Variants in TASP1 observed in about 807,000 individuals in gnomAD.
The protein encoded by TASP1 is taspase 1, also known as threonine aspartase 1.
Under a neutral mutation model 56.6 loss-of-function variants are expected in TASP1, and 16 were observed. The observed-to-expected ratio is 0.28, with a 90% CI of 0.19 to 0.43. TASP1 has a LOEUF of 0.43. Among genes scored for constraint, TASP1 ranks in the 20% least tolerant of loss-of-function variants. The probability of loss-of-function intolerance (pLI) is 1.00; values close to 1 mark genes in which losing one functional copy is unlikely to be tolerated. For synonymous variants in TASP1, 179 were observed against 184.2 expected (o/e 0.97, Z 0.23); for missense variants, 393 against 511.6 (o/e 0.77, Z 2.24).
the TASP1 span, among the ~76,000 whole-genome samples, chr20:13,253,313 G>A: frequency 3.3e-5 from 5 of 151,524 alleles, no homozygotes; most frequent in Non-Finnish European, 5.9e-5. Context: ...CTTCCCTCAC[G>A]GTGTTATCAT....
At chr20:13,128,848 G>A in the TASP1 span, among the ~76,000 whole-genome samples, 1 of 150,804 alleles carries the variant, frequency 6.6e-6, no homozygotes, top group Non-Finnish European at 1.5e-5. Context: ...GCACCAACAG[G>A]CATGCACCAC....
At chr20:13,296,434 A>G in the TASP1 span, among the ~76,000 whole-genome samples, 1 of 152,214 alleles carries the variant, frequency 6.6e-6, no homozygotes, top group Admixed American at 6.5e-5. Flanking sequence ...TATTGCAGGG[A>G]GGCAAGGGAT....
At chr20:13,247,179 C>T in the TASP1 span, among the ~76,000 whole-genome samples, 4 of 151,724 alleles carry the variant, frequency 2.6e-5, no homozygotes, top group African/African-American at 9.7e-5. Flanking sequence ...TTCAGTGAGC[C>T]GAGATCGCAC....
At chr20:13,133,453 G>A in the TASP1 span, among the ~76,000 whole-genome samples, 7 of 152,128 alleles carry the variant, frequency 4.6e-5, no homozygotes, top group South Asian at 1.2e-3. Flanking sequence ...TCCATAACAG[G>A]TCGGGCATGG....
At chr20:13,203,535 C>A in the TASP1 span, among the ~76,000 whole-genome samples, 3 of 152,090 alleles carry the variant, frequency 2.0e-5, no homozygotes. Context: ...AAATTATGGT[C>A]TATTTTAATA....
the TASP1 span, among the ~76,000 whole-genome samples, chr20:13,230,128 C>T: frequency 6.6e-6 from 1 of 152,152 alleles, no homozygotes; most frequent in Non-Finnish European, 1.5e-5. Context: ...TTCATTTGGT[C>T]AAGAAGAATC....
intron 1 of TASP1, among the ~76,000 whole-genome samples, chr20:13,636,334 A>AT (rs1452039712): frequency 1.4e-5 from 1 of 71,512 alleles, no homozygotes; most frequent in Non-Finnish European, 3.0e-5. Flanking sequence ...TTTTTTTTGT[A>AT]TTTTTAGTAG....
the TASP1 span, among the ~76,000 whole-genome samples, chr20:13,283,767 C>T: frequency 6.6e-6 from 1 of 152,182 alleles, no homozygotes; most frequent in African/African-American, 2.4e-5. Flanking sequence ...AATGAAATTA[C>T]ATAGGTACTG....
chr20:13,583,566 A>C (rs373111568), intron 5 of TASP1, among the ~76,000 whole-genome samples: 5 of 152,320 alleles, frequency 3.3e-5, no homozygotes, highest in East Asian at 1.9e-4. Flanking sequence ...TACCCAGACT[A>C]ATACAATGTC....
the TASP1 span, among the ~76,000 whole-genome samples, chr20:13,309,975 C>T: frequency 7.2e-5 from 11 of 152,088 alleles, no homozygotes; most frequent in African/African-American, 9.6e-5. Context: ...TCTGTGTTTA[C>T]GGATTGGAAG....
At chr20:13,614,967 C>T (rs2147469671) in intron 4 of TASP1, 5 of 336,586 alleles carry the variant, frequency 1.5e-5, no homozygotes, top group South Asian at 1.3e-4. Context: ...ATAATTATAC[C>T]TTTTAACCAT....
At chr20:13,178,209 A>G in the TASP1 span, among the ~76,000 whole-genome samples, 1 of 152,186 alleles carries the variant, frequency 6.6e-6, no homozygotes, top group East Asian at 1.9e-4. Flanking sequence ...GTGAGGTAAT[A>G]TCTCACCCCA....
intron 7 of TASP1, 35 bp from the exon 8 acceptor site, chr20:13,559,149 A>T (rs1426687057): frequency 7.4e-7 from 1 of 1,357,208 alleles, no homozygotes; most frequent in Admixed American, 2.3e-5. Flanking sequence ...TAAATATAAC[A>T]TTTAAGAAAT....
chr20:13,382,929 C>A, the TASP1 span, among the ~76,000 whole-genome samples: 1 of 152,162 alleles, frequency 6.6e-6, no homozygotes, highest in African/African-American at 2.4e-5. Flanking sequence ...TGCTCAGGGA[C>A]GACCTTGCCA....
intron 11 of TASP1, among the ~76,000 whole-genome samples, chr20:13,446,421 A>C (rs1034030685): frequency 1.3e-5 from 2 of 152,118 alleles, no homozygotes; most frequent in Admixed American, 6.6e-5. Flanking sequence ...ACAAAAAGTA[A>C]ATTTTCATTA....
At chr20:13,508,673 AC>A (rs1361456686) in intron 10 of TASP1, among the ~76,000 whole-genome samples, 1 of 152,196 alleles carries the variant, frequency 6.6e-6, no homozygotes, top group African/African-American at 2.4e-5. Flanking sequence ...TTTATAATGG[AC>A]AAAGGACATG....
At chr20:13,166,248 T>G in the TASP1 span, 4 of 152,594 alleles carry the variant, frequency 2.6e-5, no homozygotes, top group African/African-American at 9.7e-5. Flanking sequence ...GACCCAAGCT[T>G]TCATGCTGTG....
In TASP1 at chr20:13,404,374, G is replaced by C. The variant is rs566829408; in HGVS notation, c.1170+13074C>G. On this transcript the variant is annotated intron_variant, in intron 13 of 13. Transcript: ENST00000337743. ...TCTCAGTGCTTTGGGAGGCCGAGGC[G>C]GGAGTATTGCTTGAGGCCAACAGTT... 3.3e-5 allele frequency among the ~76,000 whole-genome samples: 5 copies of C among 152,316 alleles called. No individual in the cohort carries two copies. The South Asian group carries it at 1.0e-3, about 32-fold the overall frequency.
the TASP1 span, among the ~76,000 whole-genome samples, chr20:13,121,813 A>C: frequency 1.3e-5 from 2 of 152,202 alleles, no homozygotes; most frequent in African/African-American, 4.8e-5. Flanking sequence ...AAGCAAACTC[A>C]GTCCAAAAAA....
Sources: gnomAD v4.1 joint callset for allele counts (sites outside exome capture counted in the v4.1 genomes callset) on GRCh38, gnomAD v4.1.1 for gene constraint, MANE v1.5 for transcripts, NCBI Gene and HGNC (gene_info 2026-07-23, HGNC 2026-07-21) for gene names.